The following MCM4 variants were observed in gnomAD, a reference collection of about 807,000 sequenced individuals.
The protein encoded by MCM4 is DNA replication licensing factor MCM4.
Under a neutral mutation model 88.7 loss-of-function variants are expected in MCM4, and 60 were observed. The observed-to-expected ratio is 0.68, with a 90% CI of 0.55 to 0.84. The LOEUF is 0.84. MCM4 is among the 40% of genes least tolerant of loss of function. The pLI is 0.00. For missense variants in MCM4, 1,149 were observed against 1,105.5 expected (o/e 1.04, Z -0.56); for synonymous variants, 465 against 410.5 (o/e 1.13, Z -1.61).
In MCM4 at chr8:47,975,786, G is replaced by C; in HGVS notation, c.2437G>C (p.Gly813Arg). The C allele has an allele frequency of 3.8e-6, 6 of 1,586,496 alleles. No homozygotes were observed. Among genetic ancestry groups the C allele is most frequent in the Non-Finnish European group, 5.1e-6 (6 of 1,169,276 alleles). Reference protein sequence around the residue: ...EALKKLILSKGKTPALKYQQL... With the variant: ...EALKKLILSKRKTPALKYQQL... ...ATTGAAAAAGCTTATTTTATCTAAG[G>C]GCAAAACACCAGCTCTAAAATACCA... The change falls in exon 16 of 17, where the codon GGC (glycine) becomes CGC (arginine). Residue 813 changes from glycine to arginine, a missense_variant. Physicochemically the swap from Gly to Arg is moderately radical, Grantham distance 125. This residue lies in a region of MCM4 where 238 missense variants were observed against 241.6 expected (regional missense o/e 0.99). Coordinates refer to ENST00000649973, the MANE Select transcript of MCM4 (RefSeq NM_182746.3).
chr8:47,967,687 G>A (rs1260897892), intron 10 of MCM4, among the ~76,000 whole-genome samples: 1 of 152,138 alleles, frequency 6.6e-6, no homozygotes, highest in Non-Finnish European at 1.5e-5. Flanking sequence ...AAATTGTTCA[G>A]TTCTTCCCAA....
intron 7 of MCM4, among the ~76,000 whole-genome samples, chr8:47,963,327 G>A (rs1419188532): frequency 6.6e-6 from 1 of 152,036 alleles, no homozygotes; most frequent in East Asian, 1.9e-4. Context: ...GGTGGTGCAT[G>A]CCTGTAGTCC....
intron 16 of MCM4, 84 bp downstream of exon 16, chr8:47,975,932 TA>T: frequency 1.2e-6 from 1 of 862,792 alleles, no homozygotes; most frequent in South Asian, 3.3e-5. Flanking sequence ...CTTTATTTAT[TA>T]AATAATAAAT....
chr8:47,962,362 TGGGG>T lies in MCM4; in HGVS notation c.458_461del (p.Trp153Ter). 1 of 1,614,248 alleles carries T rather than the reference TGGGG, an allele frequency of 6.2e-7. No homozygotes were observed. The highest frequency in any genetic ancestry group is 8.5e-7 in the Non-Finnish European group (1 of 1,180,046). ...GTCTCTAGGCCAAAAACTTGTGATC[TGGGG>T]AACAGATGTAAATGTGGCAGCATGC... On this transcript the variant is annotated frameshift_variant, in exon 5 of 17. Transcript: ENST00000649973. LOFTEE classifies it high-confidence loss of function.
In MCM4 at chr8:47,962,188, G is replaced by A. The variant is rs1173474633; in HGVS notation, c.371G>A (p.Gly124Asp). Residue 124 changes from glycine (G) to aspartate (D), a missense_variant, in exon 4 of 17, where the codon GGC becomes GAC. Gly to Asp is a moderately conservative substitution (Grantham distance 94). This residue lies in a region of MCM4 where 906 missense variants were observed against 843.0 expected (regional missense o/e 1.07). Transcript: ENST00000649973. ...CCTGACCTGGGCTCTGCACAGAAGG[G>A]CCTGCAAGTGGATCTGCAGTCTGAC... is the stretch of plus-strand genomic sequence containing the variant. ...QRPDLGSAQKGLQVDLQSDGA... is the reference protein window; with the variant it reads ...QRPDLGSAQKDLQVDLQSDGA... The A allele has an allele frequency of 6.2e-7, 1 of 1,614,188 alleles. No individual in the cohort carries two copies. The highest frequency in any genetic ancestry group is 1.1e-5 in the South Asian group (1 of 91,074).
At chr8:47,972,540 T>C (rs1589833297) in intron 13 of MCM4, among the ~76,000 whole-genome samples, 1 of 152,216 alleles carries the variant, frequency 6.6e-6, no homozygotes, top group Admixed American at 6.5e-5. Context: ...AACAGTTTTT[T>C]TGTTGTTGTT....
intron 9 of MCM4, 128 bp downstream of exon 9, chr8:47,966,535 G>T (rs1176402105): frequency 3.1e-6 from 3 of 956,580 alleles, no homozygotes; most frequent in Non-Finnish European, 4.6e-6. Context: ...CTGGTCTTGT[G>T]GGTTTCGTTA....
chr8:47,961,061 C>A (rs1282524816), intron 1 of MCM4, 47 bp downstream of exon 1: 4 of 1,402,992 alleles, frequency 2.9e-6, no homozygotes, highest in Non-Finnish European at 3.8e-6. Flanking sequence ...CCGACGGGAA[C>A]GTCCGCGCTG....
chr8:47,968,028 G>A (rs1018932669), intron 10 of MCM4, among the ~76,000 whole-genome samples: 1 of 152,162 alleles, frequency 6.6e-6, no homozygotes, highest in Non-Finnish European at 1.5e-5. Flanking sequence ...CAGATGCCAC[G>A]GTAAATCAGA....
At chr8:47,972,395 C>T (rs775313779) in intron 13 of MCM4, among the ~76,000 whole-genome samples, 5 of 152,086 alleles carry the variant, frequency 3.3e-5, no homozygotes, top group South Asian at 2.1e-4. Context: ...TGGATGGACA[C>T]GAAGGCCCTT....
At chr8:47,970,908 G>A (rs771434218) in intron 12 of MCM4, 32 bp downstream of exon 12, 11 of 1,551,474 alleles carry the variant, frequency 7.1e-6, no homozygotes, top group Admixed American at 3.7e-5. Flanking sequence ...GAACATGGAC[G>A]TGTTTAAAAT....
chr8:47,975,235 T>C (rs910237665), intron 15 of MCM4: 1 of 331,670 alleles, frequency 3.0e-6, no homozygotes, highest in South Asian at 3.5e-5. Flanking sequence ...ACGTGCAGTT[T>C]AGTTACATAT....
chr8:47,975,012 G>A (rs1376556295), intron 15 of MCM4, 50 bp downstream of exon 15: 1 of 1,405,674 alleles, frequency 7.1e-7, no homozygotes, highest in South Asian at 1.2e-5. Flanking sequence ...ATTTCAATAT[G>A]CATGTAGTTT....
intron 9 of MCM4, 145 bp from the exon 10 acceptor site, chr8:47,967,219 TA>T: frequency 1.1e-6 from 1 of 895,322 alleles, no homozygotes; most frequent in Non-Finnish European, 1.6e-6. Context: ...AAGTAATTTC[TA>T]AGGAAATAAT....
intron 14 of MCM4, 158 bp from the exon 15 acceptor site, chr8:47,974,576 T>C (rs879915040): frequency 7.7e-6 from 5 of 650,176 alleles, no homozygotes; most frequent in Non-Finnish European, 1.1e-5. Context: ...TTCTGTGGTC[T>C]GTCTGTGTAG....
Position 47,970,839 on chromosome 8 carries a change from A to G in MCM4, c.1763A>G (p.His588Arg). The G allele has an allele frequency of 6.2e-7, 1 of 1,608,772 alleles. No homozygotes were observed. The highest frequency in any genetic ancestry group is 8.5e-7 in the Non-Finnish European group (1 of 1,175,856). ...KMNESTRSVL[H>R]EVMEQQTLSI... ...AATGAAAGTACAAGATCGGTATTGC[A>G]TGAAGTCATGGAACAGCAGACTCTG... The change falls in exon 12 of 17, where the codon CAT becomes CGT. Residue 588 changes from histidine to arginine, a missense_variant. His to Arg is a conservative substitution (Grantham distance 29). This residue lies in a region of MCM4 where 906 missense variants were observed against 843.0 expected (regional missense o/e 1.07). Transcript: ENST00000649973.
intron 14 of MCM4, 179 bp from the exon 15 acceptor site, chr8:47,974,541 GCACGTTGATGTCTT>G (rs2090984139): frequency 3.4e-6 from 2 of 587,496 alleles, no homozygotes; most frequent in South Asian, 4.0e-5. Flanking sequence ...ACTGCACGCT[GCACGTTGATGTCTT>G]CACCTGCGAT....
At position 47,962,863 on chromosome 8, in the gene MCM4, A is replaced by G; in HGVS notation, c.597+4A>G. 6.3e-7 allele frequency: 1 copy of G among 1,592,248 alleles called. No homozygotes were observed. On this transcript the variant is annotated splice_donor_region_variant and intron_variant, in intron 6 of 16. Transcript: ENST00000649973. ...ATACATGCAACGACTTGGGGAGGTAATCAAATACTCTTTAAATTCAAGTTA... is the reference window on the plus strand; with the variant it reads ...ATACATGCAACGACTTGGGGAGGTAGTCAAATACTCTTTAAATTCAAGTTA...
rs191142555 is a variant in MCM4, at chr8:47,968,239, G to A, written c.1174+754G>A. ...GGAGTGCCTGAATCTGCTCCTGAGC[G>A]GAGGGCCTGGGGCACACCACGCATC... is the stretch of plus-strand genomic sequence containing the variant. On this transcript the variant is annotated intron_variant, in intron 10 of 16. Coordinates refer to ENST00000649973, the MANE Select transcript of MCM4 (RefSeq NM_182746.3). 1.6e-4 allele frequency among the ~76,000 whole-genome samples: 24 copies of A among 152,302 alleles called. No homozygotes were observed. In the East Asian group the frequency reaches 3.5e-3, roughly 22 times the overall value.
Sources: allele counts gnomAD v4.1 joint callset (sites outside exome capture counted in the v4.1 genomes callset), GRCh38; gene constraint gnomAD v4.1.1; regional missense constraint gnomAD v4.1.1; transcripts MANE v1.5; gene names NCBI Gene and HGNC (gene_info 2026-07-23, HGNC 2026-07-21).